Variants in ADAM18 observed in about 807,000 individuals in gnomAD.
The protein encoded by ADAM18 is ADAM metallopeptidase domain 18, also known as disintegrin and metalloproteinase domain-containing protein 18.
In ADAM18, 117 loss-of-function variants were observed where a neutral mutation model predicts 94.4. The ratio of observed to expected loss-of-function variants is 1.24; its 90% CI spans 1.07 to 1.45. The LOEUF (loss-of-function observed/expected upper bound fraction) is 1.45. Ranked by LOEUF, ADAM18 falls within the 40% of genes most tolerant of loss-of-function variation. ADAM18 has a pLI of 0.00. For synonymous variants in ADAM18, 327 were observed against 291.6 expected, an observed-to-expected ratio of 1.12 and a Z score of -1.24; for missense variants, 936 against 880.0, an observed-to-expected ratio of 1.06 and a Z score of -0.81.
At chr8:39,603,220 C>T (rs991204255) in intron 2 of ADAM18, among the ~76,000 whole-genome samples, 6 of 152,198 alleles carry the variant, frequency 3.9e-5, no homozygotes, top group African/African-American at 1.4e-4. Flanking sequence ...TTTTTCTGTG[C>T]GTCCATTTTG....
intron 14 of ADAM18, among the ~76,000 whole-genome samples, chr8:39,668,398 G>A (rs1212927972): frequency 6.6e-6 from 1 of 152,026 alleles, no homozygotes; most frequent in Non-Finnish European, 1.5e-5. Context: ...ATTGTGGTTT[G>A]ATTTTTGTTT....
At chr8:39,729,391 C>T (rs1338594004) in intron 19 of ADAM18, among the ~76,000 whole-genome samples, 4 of 152,078 alleles carry the variant, frequency 2.6e-5, no homozygotes, top group Non-Finnish European at 5.9e-5. Flanking sequence ...AAATTAAAGT[C>T]AGCAACCTGA....
intron 2 of ADAM18, among the ~76,000 whole-genome samples, chr8:39,599,568 C>T (rs1018529408): frequency 2.0e-5 from 3 of 152,104 alleles, no homozygotes; most frequent in East Asian, 1.9e-4. Context: ...TGTATATACA[C>T]ACACACACAT....
At chr8:39,633,332 T>C (rs1021714137) in intron 7 of ADAM18, among the ~76,000 whole-genome samples, 3 of 152,124 alleles carry the variant, frequency 2.0e-5, no homozygotes, top group Admixed American at 6.6e-5. Context: ...TTGAAGCAAA[T>C]AATGGAAAAA....
At chr8:39,678,639 A>T (rs1821358400) in intron 15 of ADAM18, among the ~76,000 whole-genome samples, 2 of 152,208 alleles carry the variant, frequency 1.3e-5, no homozygotes, top group South Asian at 4.1e-4. Flanking sequence ...TGGCATGACA[A>T]CCCCACTTAA....
At chr8:39,721,604 A>G (rs1326891196) in intron 18 of ADAM18, among the ~76,000 whole-genome samples, 1 of 151,744 alleles carries the variant, frequency 6.6e-6, no homozygotes, top group African/African-American at 2.4e-5. Context: ...GGCAAAAGAC[A>G]TGAACAGACA....
At chr8:39,637,055 A>ATATATATACATATATATATATATATGTG (rs1820098266) in intron 7 of ADAM18, among the ~76,000 whole-genome samples, 3 of 138,546 alleles carry the variant, frequency 2.2e-5, no homozygotes, top group Admixed American at 7.4e-5. Flanking sequence ...ATATATATAT[A>ATATATATACATATATATATATATATGTG]TATATATATA....
At chr8:39,629,616 T>A (rs1422318771) in intron 7 of ADAM18, among the ~76,000 whole-genome samples, 177 bp downstream of exon 7, 2 of 150,470 alleles carry the variant, frequency 1.3e-5, no homozygotes, top group Non-Finnish European at 3.0e-5. Flanking sequence ...CTGTCTTCCC[T>A]TTCCTTCCTC....
chr8:39,658,768 C>A (rs1295456994), intron 12 of ADAM18, among the ~76,000 whole-genome samples: 1 of 152,012 alleles, frequency 6.6e-6, no homozygotes, highest in East Asian at 1.9e-4. Context: ...GATTTCTTTC[C>A]CAGAAATCTA....
intron 7 of ADAM18, among the ~76,000 whole-genome samples, chr8:39,634,335 G>A (rs905929862): frequency 4.6e-5 from 7 of 152,234 alleles, no homozygotes; most frequent in Admixed American, 2.6e-4. Context: ...CCCCACTAAG[G>A]CAATGCCCAG....
At chr8:39,612,325 G>A (rs1208561008) in intron 6 of ADAM18, among the ~76,000 whole-genome samples, 2 of 152,134 alleles carry the variant, frequency 1.3e-5, no homozygotes, top group African/African-American at 4.8e-5. Context: ...ACCCTGCACA[G>A]GGCTGTTAAG....
rs78937821 is a variant in ADAM18, at chr8:39,671,750, C to T, written c.1525+3554C>T. ...ATTCTCATCAGTATCTTCTCGCTAT[C>T]CTTCGTGGCCACTAGCTGAAAATAG... On this transcript the variant is annotated intron_variant, in intron 14 of 19. Transcript: ENST00000265707. 3.6e-3 allele frequency among the ~76,000 whole-genome samples: 545 copies of T among 152,270 alleles called. 3 individuals carry two copies. The highest frequency in any genetic ancestry group is 0.02 in the Middle Eastern group (6 of 294).
At position 39,585,320 on chromosome 8, in the gene ADAM18, A is replaced by G; in HGVS notation, c.100A>G (p.Lys34Glu). The G allele has an allele frequency of 6.2e-7, 1 of 1,613,610 alleles. No homozygotes were observed. Residue 34 changes from lysine to glutamate, a missense_variant, in exon 2 of 20, where the codon AAG becomes GAG. Physicochemically the swap from Lys to Glu is moderately conservative, Grantham distance 56. Transcript: ENST00000265707. ...GCATGTCACAGTTCCACGGAAGATT[A>G]AGTCAAATGACAGTGAAGTTTCAGA... Reference protein sequence around the residue: ...FLHVTVPRKIKSNDSEVSERK... With the variant: ...FLHVTVPRKIESNDSEVSERK...
intron 18 of ADAM18, among the ~76,000 whole-genome samples, chr8:39,707,243 T>G (rs1225747068): frequency 6.6e-6 from 1 of 152,210 alleles, no homozygotes; most frequent in African/African-American, 2.4e-5. Flanking sequence ...CAGAAGACTG[T>G]GGCAGCTGAT....
chr8:39,688,984 A>G (rs909006820), intron 16 of ADAM18, among the ~76,000 whole-genome samples: 3 of 150,874 alleles, frequency 2.0e-5, no homozygotes, highest in African/African-American at 7.3e-5. Flanking sequence ...CTTTTTTTCC[A>G]TGTTTCTTGG....
At chr8:39,682,682 A>G (rs1821499658) in intron 16 of ADAM18, among the ~76,000 whole-genome samples, 1 of 152,184 alleles carries the variant, frequency 6.6e-6, no homozygotes, top group Non-Finnish European at 1.5e-5. Flanking sequence ...AAGTTATTCT[A>G]TGCCTTTATT....
Position 39,659,519 on chromosome 8 carries a change from A to G in ADAM18, c.1231-4276A>G, listed in dbSNP as rs554322609. On this transcript the variant is annotated intron_variant, in intron 12 of 19. Transcript: ENST00000265707. ...AGAAGATGGGCAAGATAGTGAACTT[A>G]ATATAATCAATGAGATGTCTCTGAA... Among the ~76,000 whole-genome samples the G allele has an allele frequency of 1.6e-4, 25 of 152,254 alleles. No homozygotes were observed. In the South Asian group the frequency reaches 5.0e-3, roughly 30 times the overall value.
chr8:39,595,002 G>A (rs546558019), intron 2 of ADAM18, among the ~76,000 whole-genome samples: 61 of 151,770 alleles, frequency 4.0e-4, no homozygotes, highest in African/African-American at 6.3e-4. Flanking sequence ...CTAGGTCCCC[G>A]AAGCTCTGTG....
At chr8:39,679,424 A>G (rs1821381890) in intron 15 of ADAM18, among the ~76,000 whole-genome samples, 1 of 152,196 alleles carries the variant, frequency 6.6e-6, no homozygotes, top group Non-Finnish European at 1.5e-5. Flanking sequence ...CCAATGATAG[A>G]TTACAAATGG....
Sources: allele counts gnomAD v4.1 joint callset (sites outside exome capture counted in the v4.1 genomes callset), GRCh38; gene constraint gnomAD v4.1.1; transcripts MANE v1.5; gene names NCBI Gene and HGNC (gene_info 2026-07-23, HGNC 2026-07-21).